CROT: variants seen among roughly 807,000 people sequenced by gnomAD.
CROT encodes peroxisomal carnitine O-octanoyltransferase.
CROT carries 84 observed loss-of-function variants against 89.2 expected under a neutral mutation model. The ratio of observed to expected loss-of-function variants is 0.94; its 90% confidence interval spans 0.79 to 1.13. The LOEUF is 1.13. Among genes scored for constraint, CROT ranks in the 50% most tolerant of loss-of-function variants. The probability of loss-of-function intolerance (pLI) is 0.00; values close to 1 mark genes in which losing one functional copy is unlikely to be tolerated. For missense variants in CROT, 711 were observed against 727.8 expected (o/e 0.98, Z 0.27); for synonymous variants, 212 against 239.5 (o/e 0.89, Z 1.06).
intron 10 of CROT, among the ~76,000 whole-genome samples, chr7:87,379,487 C>CA (rs1806923579): frequency 6.6e-6 from 1 of 152,164 alleles, no homozygotes; most frequent in Non-Finnish European, 1.5e-5. Flanking sequence ...CCAAGACCAT[C>CA]AAAAAACACC....
chr7:87,383,843 A>G (rs1399450148), intron 13 of CROT, among the ~76,000 whole-genome samples: 1 of 152,080 alleles, frequency 6.6e-6, no homozygotes, highest in Non-Finnish European at 1.5e-5. Context: ...GGTTGATTCT[A>G]TATCTTGACT....
chr7:87,384,096 C>T (rs1325821648), intron 13 of CROT, among the ~76,000 whole-genome samples: 1 of 152,062 alleles, frequency 6.6e-6, no homozygotes, highest in Non-Finnish European at 1.5e-5. Flanking sequence ...TATTGCCTAT[C>T]TTTTTGATAA....
At chr7:87,381,859 A>C in intron 10 of CROT, 51 bp from the exon 11 acceptor site, 1 of 1,276,670 alleles carries the variant, frequency 7.8e-7, no homozygotes. Flanking sequence ...TATTGGGTCA[A>C]GTTTTAAGTT....
chr7:87,346,075 G>A (rs1484045917), intron 1 of CROT, among the ~76,000 whole-genome samples: 1 of 152,152 alleles, frequency 6.6e-6, no homozygotes, highest in Non-Finnish European at 1.5e-5. Flanking sequence ...CGACGAACCT[G>A]TTACCCAGCC....
chr7:87,395,855 T>C (rs986870340), intron 17 of CROT, among the ~76,000 whole-genome samples: 1 of 152,090 alleles, frequency 6.6e-6, no homozygotes, highest in Non-Finnish European at 1.5e-5. Flanking sequence ...TTAAGGCTCA[T>C]TACATGCAGG....
chr7:87,358,873 C>T (rs1435202823), intron 3 of CROT, among the ~76,000 whole-genome samples: 1 of 152,090 alleles, frequency 6.6e-6, no homozygotes, highest in Non-Finnish European at 1.5e-5. Context: ...TTAAAATATC[C>T]AACTTTTTTT....
Position 87,382,085 on chromosome 7 carries a change from G to A in CROT, c.1074G>A (p.Lys358=), listed in dbSNP as rs756170339. Residue 358 remains lysine (K), a synonymous_variant, in exon 12 of 18, where the codon AAG becomes AAA. Coordinates refer to ENST00000331536, the MANE Select transcript of CROT (RefSeq NM_021151.4). The part of the protein sequence containing the change: ...QNEGRWKGSE[K]VRDIPLPEEL... ...TTCCCTATTTTCAGGGTTCAGAGAA[G>A]GTACGAGATATACCACTTCCAGAAG... 6.2e-7 allele frequency: 1 copy of A among 1,610,982 alleles called. No homozygotes were observed. Among genetic ancestry groups the A allele is most frequent in the Admixed American group, 1.7e-5 (1 of 59,938 alleles).
chr7:87,364,073 C>A (rs899068068), intron 6 of CROT, among the ~76,000 whole-genome samples: 8 of 152,124 alleles, frequency 5.3e-5, no homozygotes, highest in African/African-American at 1.9e-4. Flanking sequence ...AGCAAGTGGT[C>A]TTTAAACCGT....
At chr7:87,388,879 T>C (rs1281288295) in intron 13 of CROT, among the ~76,000 whole-genome samples, 2 of 152,056 alleles carry the variant, frequency 1.3e-5, no homozygotes, top group African/African-American at 4.8e-5. Flanking sequence ...TCTAACCACC[T>C]GACAAAGGGC....
intron 4 of CROT, chr7:87,359,837 A>C (rs948512180): frequency 1.0e-6 from 1 of 984,706 alleles, no homozygotes; most frequent in Admixed American, 6.1e-5. Context: ...TGAAGGTCTC[A>C]ATAATTTTCC....
At chr7:87,346,311 T>A (rs1467477890) in intron 1 of CROT, 29 bp from the exon 2 acceptor site, 1 of 152,236 alleles carries the variant, frequency 6.6e-6, no homozygotes, top group Non-Finnish European at 1.5e-5. Context: ...TCTTAAATAT[T>A]TGTTAAGCTT....
At chr7:87,369,317 C>T in intron 6 of CROT, 59 bp from the exon 7 acceptor site, 1 of 1,081,252 alleles carries the variant, frequency 9.2e-7, no homozygotes, top group Non-Finnish European at 1.4e-6. Context: ...TGGATATATG[C>T]ATCTTTACTC....
chr7:87,353,942 A>C lies in CROT; in HGVS notation c.115+4759A>C, dbSNP rs192133707. Among the ~76,000 whole-genome samples, 4 of 152,354 alleles carry C rather than the reference A, an allele frequency of 2.6e-5. No individual in the cohort carries two copies. The East Asian group carries it at 7.7e-4, about 29-fold the overall frequency. ...CTATATTATGGTGATAATGGAGTTC[A>C]TGGTGTGACTAAAAGCTGTAAAAAG... is the stretch of plus-strand genomic sequence containing the variant. On this transcript the variant is annotated intron_variant, in intron 3 of 17. Coordinates refer to ENST00000331536, the MANE Select transcript of CROT (RefSeq NM_021151.4).
intron 17 of CROT, among the ~76,000 whole-genome samples, chr7:87,395,109 G>A (rs570229865): frequency 6.6e-6 from 1 of 152,130 alleles, no homozygotes; most frequent in Non-Finnish European, 1.5e-5. Context: ...TAACTCACAC[G>A]ATCACAAGGT....
At chr7:87,366,314 C>G (rs754023763) in intron 6 of CROT, among the ~76,000 whole-genome samples, 1 of 151,920 alleles carries the variant, frequency 6.6e-6, no homozygotes, top group Non-Finnish European at 1.5e-5. Flanking sequence ...TCCCTCTGCC[C>G]TTTCTGTTTT....
chr7:87,354,077 T>G (rs767249998), intron 3 of CROT, among the ~76,000 whole-genome samples: 1 of 152,218 alleles, frequency 6.6e-6, no homozygotes, highest in Non-Finnish European at 1.5e-5. Context: ...TTATTAAACA[T>G]GTTAAAAGGC....
intron 6 of CROT, among the ~76,000 whole-genome samples, chr7:87,364,361 G>GA (rs1456880190): frequency 6.6e-6 from 1 of 152,168 alleles, no homozygotes; most frequent in African/African-American, 2.4e-5. Flanking sequence ...GAAGTAGGAA[G>GA]AAAACAAGGA....
At chr7:87,365,110 G>A (rs1806396013) in intron 6 of CROT, among the ~76,000 whole-genome samples, 3 of 152,162 alleles carry the variant, frequency 2.0e-5, no homozygotes, top group Admixed American at 1.3e-4. Flanking sequence ...GGGGCAGGAG[G>A]GGCAGGTGCA....
intron 12 of CROT, 87 bp downstream of exon 12, chr7:87,382,268 T>C (rs1807036228): frequency 7.1e-6 from 10 of 1,401,998 alleles, no homozygotes; most frequent in Non-Finnish European, 9.9e-6. Flanking sequence ...CAAGCATGTC[T>C]GCACAAAACA....
Sources: gnomAD v4.1 joint callset for allele counts (sites outside exome capture counted in the v4.1 genomes callset) on GRCh38, gnomAD v4.1.1 for gene constraint, MANE v1.5 for transcripts, NCBI Gene and HGNC (gene_info 2026-07-23, HGNC 2026-07-21) for gene names.